TNFSF8: variants seen among roughly 807,000 people sequenced by gnomAD.
The protein encoded by TNFSF8 is tumor necrosis factor ligand superfamily member 8.
A neutral mutation model predicts 22.0 loss-of-function variants in TNFSF8; 4 were observed. The ratio of observed to expected loss-of-function variants is 0.18; its 90% CI spans 0.09 to 0.42. The LOEUF is 0.42. Ranked by LOEUF, TNFSF8 falls within the 10% of genes least tolerant of loss-of-function variation. TNFSF8 has a pLI of 1.00. For synonymous variants in TNFSF8, 106 were observed against 112.5 expected, an observed-to-expected ratio of 0.94 and a Z score of 0.37; for missense variants, 233 against 281.8, an observed-to-expected ratio of 0.83 and a Z score of 1.24.
In TNFSF8 at chr9:114,926,982, A is replaced by AATATTTATAATATAAAATGTTTATTTTAT. The variant is rs1564373382; in HGVS notation, c.195+3098_195+3126dup. ...AACATAAAATATTATTTTATAATAT[A>AATATTTATAATATAAAATGTTTATTTTAT]ATATTTATAATATAAAATGTTTATT... On this transcript the variant is annotated intron_variant, in intron 1 of 3. Coordinates refer to ENST00000223795, the MANE Select transcript of TNFSF8 (RefSeq NM_001244.4). Among the ~76,000 whole-genome samples, 194 of 115,260 alleles carry AATATTTATAATATAAAATGTTTATTTTAT rather than the reference A, an allele frequency of 1.7e-3. 18 individuals are homozygous for AATATTTATAATATAAAATGTTTATTTTAT. The highest frequency in any genetic ancestry group is 5.3e-3 in the African/African-American group (169 of 31,936). The allele number at this position is 115,260 out of a possible 152,430, so 75.6% of individuals were successfully genotyped here.
chr9:114,893,779 A>T, exon 5 of TNFSF8: 1 of 300,868 alleles, frequency 3.3e-6, no homozygotes, highest in Non-Finnish European at 6.4e-6. Flanking sequence ...CCCTGAAGGG[A>T]ATTGATGTTC....
At chr9:114,900,933 G>C (rs547201693), downstream of TNFSF8, among the ~76,000 whole-genome samples, 21 of 152,284 alleles carry the variant, frequency 1.4e-4, no homozygotes, top group African/African-American at 5.1e-4. Context: ...AGTGAGCCAA[G>C]ATAGCACCAC....
At chr9:114,921,008 A>G (rs974390921) in intron 1 of TNFSF8, among the ~76,000 whole-genome samples, 6 of 152,028 alleles carry the variant, frequency 3.9e-5, no homozygotes, top group Non-Finnish European at 7.4e-5. Flanking sequence ...TAATACTGAC[A>G]CTCCTGGCCC....
At position 114,901,296 on chromosome 9, in the gene TNFSF8, C is replaced by T; in HGVS notation, c.*2635G>A. 1 of 985,358 alleles carries T rather than the reference C, an allele frequency of 1.0e-6. No individual in the cohort carries two copies. The highest frequency in any genetic ancestry group is 1.2e-6 in the Non-Finnish European group (1 of 829,908). 61.0% of individuals were successfully genotyped at this position (985,358 alleles called of 1,614,324 possible). ...CCTGGGTTGCCTACTCCCTACATAT[C>T]TATCAGTTGAGTTATTAATGATTAT... On this transcript the variant is annotated 3_prime_UTR_variant, in exon 4 of 4. Transcript: ENST00000223795.
At chr9:114,927,287 G>A (rs1828075770) in intron 1 of TNFSF8, among the ~76,000 whole-genome samples, 1 of 151,738 alleles carries the variant, frequency 6.6e-6, no homozygotes, top group South Asian at 2.1e-4. Context: ...TTAGAACAAT[G>A]TCCTGCACAC....
chr9:114,904,483 C>A (rs1401854778), intron 3 of TNFSF8, among the ~76,000 whole-genome samples, 158 bp from the exon 4 acceptor site: 1 of 152,226 alleles, frequency 6.6e-6, no homozygotes, highest in African/African-American at 2.4e-5. Context: ...CTAGAGTCTA[C>A]TTATTACTCA....
At chr9:114,908,347 G>A (rs1026226186) in intron 2 of TNFSF8, among the ~76,000 whole-genome samples, 1 of 152,222 alleles carries the variant, frequency 6.6e-6, no homozygotes, top group Admixed American at 6.5e-5. Context: ...TTTTGCCTGA[G>A]GGCTAGAATA....
At chr9:114,929,816 T>C (rs956612482) in intron 1 of TNFSF8, among the ~76,000 whole-genome samples, 9 of 150,904 alleles carry the variant, frequency 6.0e-5, no homozygotes. Context: ...AACAATATTT[T>C]TCTCAACAAG....
At chr9:114,913,449 G>A (rs953531131) in intron 2 of TNFSF8, among the ~76,000 whole-genome samples, 14 of 152,192 alleles carry the variant, frequency 9.2e-5, no homozygotes, top group Non-Finnish European at 1.5e-4. Context: ...AAACCCATGC[G>A]TGTGGCCCTC....
At chr9:114,894,128 G>A in exon 5 of TNFSF8, 2 of 1,535,284 alleles carry the variant, frequency 1.3e-6, no homozygotes, top group Non-Finnish European at 8.7e-7. Context: ...AGAGTCCAGG[G>A]TAGAGTGTGA....
At chr9:114,919,797 G>C (rs7872878) in intron 1 of TNFSF8, among the ~76,000 whole-genome samples, 82,771 of 151,976 alleles carry the variant, frequency 0.54, 24,660 homozygotes, top group African/African-American at 0.8. Context: ...TCCCTGGGAG[G>C]TCTGTCATTT....
intron 1 of TNFSF8, among the ~76,000 whole-genome samples, chr9:114,922,801 T>G (rs536253467): frequency 6.6e-6 from 1 of 152,084 alleles, no homozygotes; most frequent in Non-Finnish European, 1.5e-5. Context: ...AAGCAGTGCT[T>G]CTCCCACTTT....
intron 2 of TNFSF8, among the ~76,000 whole-genome samples, chr9:114,915,423 A>T (rs1264642592): frequency 6.6e-6 from 1 of 152,136 alleles, no homozygotes; most frequent in Non-Finnish European, 1.5e-5. Flanking sequence ...GAGCCCAGGA[A>T]TATTTTTTCT....
chr9:114,916,889 C>T (rs981218858), intron 2 of TNFSF8, among the ~76,000 whole-genome samples: 5 of 152,202 alleles, frequency 3.3e-5, no homozygotes, highest in African/African-American at 1.2e-4. Flanking sequence ...TTCTACTATG[C>T]TCCTTTTAAT....
At chr9:114,897,933 G>A (rs191291369), downstream of TNFSF8, among the ~76,000 whole-genome samples, 28 of 152,202 alleles carry the variant, frequency 1.8e-4, no homozygotes, top group East Asian at 2.3e-3. Context: ...TCCATTGACT[G>A]TGACATTGGC....
chr9:114,897,711 A>G (rs1252708981), downstream of TNFSF8, among the ~76,000 whole-genome samples: 3 of 152,198 alleles, frequency 2.0e-5, no homozygotes, highest in African/African-American at 7.2e-5. Flanking sequence ...TAGGCAGAGC[A>G]TGGAAGATTG....
At chr9:114,907,398 C>T (rs1827797983) in intron 2 of TNFSF8, among the ~76,000 whole-genome samples, 1 of 152,158 alleles carries the variant, frequency 6.6e-6, no homozygotes, top group African/African-American at 2.4e-5. Flanking sequence ...GTAGTCAGAA[C>T]CCCAACACTA....
downstream of TNFSF8, among the ~76,000 whole-genome samples, chr9:114,897,460 G>C (rs879029740): frequency 5.9e-5 from 9 of 152,130 alleles, no homozygotes; most frequent in Admixed American, 1.3e-4. Flanking sequence ...CTGGGAATTT[G>C]AATGTTGGAG....
Position 114,901,416 on chromosome 9 carries a change from C to A in TNFSF8, c.*2515G>T. 1 of 985,314 alleles carries A rather than the reference C, an allele frequency of 1.0e-6. No homozygotes were observed. 61.0% of individuals were successfully genotyped at this position (985,314 alleles called of 1,614,324 possible). A position where few individuals can be genotyped will look rare whatever the true frequency, so the allele number is the denominator to read the frequency against. ...CTTTCTTAGCATTGCTTGACAGAGA[C>A]TGAGATTAGAAACCACTCACAGTGC... On this transcript the variant is annotated 3_prime_UTR_variant, in exon 4 of 4. Coordinates refer to ENST00000223795, the MANE Select transcript of TNFSF8 (RefSeq NM_001244.4).
Sources: allele counts gnomAD v4.1 joint callset (sites outside exome capture counted in the v4.1 genomes callset), GRCh38; gene constraint gnomAD v4.1.1; transcripts MANE v1.5; gene names NCBI Gene and HGNC (gene_info 2026-07-23, HGNC 2026-07-21).